Variants in POSTN observed in about 807,000 individuals in gnomAD.
POSTN encodes the protein periostin.
POSTN carries 71 observed loss-of-function variants against 104.5 expected under a neutral mutation model. The ratio of observed to expected loss-of-function variants is 0.68; its 90% CI spans 0.56 to 0.83. POSTN has a LOEUF of 0.83. Ranked by LOEUF, POSTN falls within the 40% of genes least tolerant of loss-of-function variation. POSTN has a pLI of 0.00. For missense variants in POSTN, 949 were observed against 1,006.8 expected (o/e 0.94, Z 0.78); for synonymous variants, 355 against 340.7 (o/e 1.04, Z -0.46).
chr13:37,587,709 A>C (rs1377528515), intron 5 of POSTN, 113 bp downstream of exon 5: 1 of 857,458 alleles, frequency 1.2e-6, no homozygotes, highest in Non-Finnish European at 1.8e-6. Flanking sequence ...ATAATATAGC[A>C]CTTACCTTAT....
At chr13:37,574,174 T>G (rs1353907747) in intron 17 of POSTN, among the ~76,000 whole-genome samples, 1 of 151,624 alleles carries the variant, frequency 6.6e-6, no homozygotes, top group African/African-American at 2.4e-5. Flanking sequence ...CTTTTTTTTT[T>G]TGGAAGAGCT....
intron 16 of POSTN, among the ~76,000 whole-genome samples, chr13:37,576,896 A>G (rs1256482993): frequency 6.6e-6 from 1 of 152,040 alleles, no homozygotes; most frequent in Non-Finnish European, 1.5e-5. Flanking sequence ...ATAAATCTTA[A>G]GGGAAATTTT....
At chr13:37,571,312 C>T in intron 18 of POSTN, 57 bp downstream of exon 18, 1 of 1,130,498 alleles carries the variant, frequency 8.8e-7, no homozygotes, top group Non-Finnish European at 1.3e-6. Context: ...TAAACCAACA[C>T]TATTTCAAAA....
intron 21 of POSTN, among the ~76,000 whole-genome samples, chr13:37,567,753 A>G (rs774275317): frequency 3.3e-5 from 5 of 152,178 alleles, no homozygotes; most frequent in Admixed American, 6.5e-5. Flanking sequence ...GGAGTTCATT[A>G]ACTAAAAATT....
intron 17 of POSTN, among the ~76,000 whole-genome samples, chr13:37,572,281 G>C (rs1162579535): frequency 6.6e-6 from 1 of 151,332 alleles, no homozygotes; most frequent in Non-Finnish European, 1.5e-5. Context: ...ATCTTTGAGA[G>C]CATTTTTTTT....
chr13:37,588,063 C>T, intron 4 of POSTN, 77 bp from the exon 5 acceptor site: 1 of 1,167,788 alleles, frequency 8.6e-7, no homozygotes, highest in Non-Finnish European at 1.2e-6. Flanking sequence ...CCTATTTCTA[C>T]TCTCTTGCTA....
At chr13:37,574,697 C>G in intron 16 of POSTN, 45 bp from the exon 17 acceptor site, 1 of 1,534,306 alleles carries the variant, frequency 6.5e-7, no homozygotes, top group South Asian at 1.2e-5. Context: ...TACATAAAAA[C>G]CTGAACAAAG....
chr13:37,581,795 T>C, intron 10 of POSTN, among the ~76,000 whole-genome samples: 1 of 152,192 alleles, frequency 6.6e-6, no homozygotes, highest in East Asian at 1.9e-4. Context: ...AAGGTTTATC[T>C]TGAAAGCCAT....
At chr13:37,585,143 G>C (rs7320832) in intron 7 of POSTN, among the ~76,000 whole-genome samples, 36,304 of 152,148 alleles carry the variant, frequency 0.24, 4,951 homozygotes, top group East Asian at 0.68. Flanking sequence ...AATAAGAGGA[G>C]ATCAGCTTCA....
At chr13:37,569,498 A>G in intron 20 of POSTN, 115 bp from the exon 21 acceptor site, 1 of 909,664 alleles carries the variant, frequency 1.1e-6, no homozygotes, top group South Asian at 1.4e-5. Context: ...CCAACACTCG[A>G]TTCTTTCACA....
intron 21 of POSTN, 165 bp from the exon 22 acceptor site, chr13:37,564,725 TC>T (rs1950040104): frequency 2.2e-6 from 1 of 461,516 alleles, no homozygotes. Context: ...TTACATTTTT[TC>T]GTAAAGGACA....
At chr13:37,583,101 A>C (rs1395429860) in intron 9 of POSTN, among the ~76,000 whole-genome samples, 1 of 152,218 alleles carries the variant, frequency 6.6e-6, no homozygotes, top group African/African-American at 2.4e-5. Context: ...GTTGCCTAAC[A>C]ATTTAAATAT....
At chr13:37,586,065 G>T in intron 7 of POSTN, 74 bp downstream of exon 7, 5 of 1,358,920 alleles carry the variant, frequency 3.7e-6, no homozygotes, top group Non-Finnish European at 4.9e-6. Context: ...AATATTATTG[G>T]TAAGGACTAG....
At chr13:37,598,504 G>GA (rs897653895) in intron 1 of POSTN, 104 bp downstream of exon 1, 77 of 1,016,882 alleles carry the variant, frequency 7.6e-5, no homozygotes, top group South Asian at 1.0e-4. Context: ...TAATAATTAG[G>GA]AAAAAAAACC....
At position 37,584,223 on chromosome 13, in the gene POSTN, T is replaced by C. The variant is rs372306031; in HGVS notation, c.1109-120A>G. On this transcript the variant is annotated intron_variant, in intron 8 of 22. Transcript: ENST00000379747. Reference sequence around the variant, plus strand: ...TGTAAGCTATTTACTGCAATGTCAGTGTGATAAGACATCCTCCTCCTCCCT... The same window carrying C: ...TGTAAGCTATTTACTGCAATGTCAGCGTGATAAGACATCCTCCTCCTCCCT... 2.3e-5 allele frequency: 29 copies of C among 1,257,460 alleles called. No homozygotes were observed. In the African/African-American group the frequency reaches 4.0e-4, roughly 17 times the overall value. 77.9% of individuals were successfully genotyped at this position (1,257,460 alleles called of 1,614,324 possible).
intron 2 of POSTN, among the ~76,000 whole-genome samples, chr13:37,593,150 G>T (rs1373401735): frequency 6.6e-6 from 1 of 150,832 alleles, no homozygotes; most frequent in Non-Finnish European, 1.5e-5. Flanking sequence ...AGTTCTATAG[G>T]CAATAATTAA....
intron 6 of POSTN, 47 bp from the exon 7 acceptor site, chr13:37,586,327 G>GA (rs1218501853): frequency 6.4e-7 from 1 of 1,566,254 alleles, no homozygotes. Context: ...TGTAAATCCA[G>GA]AAAAAGATTG....
chr13:37,584,528 T>A (rs1950688689), intron 8 of POSTN, among the ~76,000 whole-genome samples, 188 bp downstream of exon 8: 1 of 152,154 alleles, frequency 6.6e-6, no homozygotes, highest in African/African-American at 2.4e-5. Context: ...GATTCATGCA[T>A]GGAGTTCCCA....
chr13:37,582,299 A>T, intron 10 of POSTN, 67 bp downstream of exon 10: 1 of 1,487,714 alleles, frequency 6.7e-7, no homozygotes, highest in Non-Finnish European at 9.1e-7. Context: ...TCTGTGAAAT[A>T]TTCATTGAAA....
Sources: allele counts gnomAD v4.1 joint callset (sites outside exome capture counted in the v4.1 genomes callset), GRCh38; gene constraint gnomAD v4.1.1; transcripts MANE v1.5; gene names NCBI Gene and HGNC (gene_info 2026-07-23, HGNC 2026-07-21).